The following SLC12A7 variants were observed in gnomAD, a reference collection of about 807,000 sequenced individuals.
SLC12A7 encodes the protein solute carrier family 12 member 7.
SLC12A7 carries 100 observed loss-of-function variants against 120.6 expected under a neutral mutation model. That is an observed-to-expected ratio of 0.83 (90% CI 0.71 to 0.98). The LOEUF (loss-of-function observed/expected upper bound fraction) is 0.98, where lower values mean the gene tolerates loss of function less well. Ranked by LOEUF, SLC12A7 falls within the 50% of genes least tolerant of loss-of-function variation. The pLI is 0.00. For missense variants in SLC12A7, 1,373 were observed against 1,548.1 expected, an observed-to-expected ratio of 0.89 and a Z score of 1.90; for synonymous variants, 760 against 678.0, an observed-to-expected ratio of 1.12 and a Z score of -1.88.
intron 20 of SLC12A7, among the ~76,000 whole-genome samples, chr5:1,060,797 A>G (rs1736103114): frequency 6.6e-6 from 1 of 152,168 alleles, no homozygotes; most frequent in Non-Finnish European, 1.5e-5. Context: ...ATCCACGCTC[A>G]CAGGTGTCAT....
At chr5:1,087,358 C>T (rs1054624293) in intron 5 of SLC12A7, among the ~76,000 whole-genome samples, 1 of 152,212 alleles carries the variant, frequency 6.6e-6, no homozygotes, top group Non-Finnish European at 1.5e-5. Context: ...AGCCCCAGCC[C>T]CCACTTCCAC....
intron 1 of SLC12A7, among the ~76,000 whole-genome samples, chr5:1,107,062 C>T (rs1579443995): frequency 6.6e-6 from 1 of 152,204 alleles, no homozygotes; most frequent in Non-Finnish European, 1.5e-5. Context: ...TTCCTTTACC[C>T]CCATGTGTAA....
chr5:1,083,995 C>T (rs763113711), intron 7 of SLC12A7, 39 bp from the exon 8 acceptor site: 22 of 1,574,614 alleles, frequency 1.4e-5, no homozygotes, highest in East Asian at 1.3e-4. Context: ...GTGCTGCCAC[C>T]GAAGTGGCTT....
Position 1,051,385 on chromosome 5 carries a change from T to TGGGGG in SLC12A7, c.*974_*975insCCCCC, listed in dbSNP as rs1735018978. The TGGGGG allele has an allele frequency of 2.5e-5, 1 of 39,792 alleles. No homozygotes were observed. Among genetic ancestry groups the TGGGGG allele is most frequent in the African/African-American group, 1.1e-4 (1 of 9,462 alleles). 2.5% of individuals were successfully genotyped at this position (39,792 alleles called of 1,614,324 possible). The stretch of plus-strand genomic sequence containing the variant: ...GAGGCTGAACTGTGTGCCGTGCTCC[T>TGGGGG]GGGGTGGGGTGGGGTGGGGAGGGCA... On this transcript the variant is annotated 3_prime_UTR_variant, in exon 24 of 24. Transcript: ENST00000264930.
the SLC12A7 span, among the ~76,000 whole-genome samples, chr5:1,133,299 T>C: frequency 1.2e-4 from 19 of 152,202 alleles, no homozygotes; most frequent in Non-Finnish European, 2.5e-4. Flanking sequence ...GAGTCGCACA[T>C]GTGGGCAAGA....
At chr5:1,088,888 C>T in intron 4 of SLC12A7, 94 bp downstream of exon 4, 1 of 1,529,302 alleles carries the variant, frequency 6.5e-7, no homozygotes, top group Non-Finnish European at 8.9e-7. Flanking sequence ...AAGGCACAAC[C>T]ACAGCGGCCA....
At chr5:1,129,742 G>A in the SLC12A7 span, among the ~76,000 whole-genome samples, 1 of 152,250 alleles carries the variant, frequency 6.6e-6, no homozygotes, top group African/African-American at 2.4e-5. Context: ...TGTAATTTCT[G>A]GATATGATTA....
the SLC12A7 span, among the ~76,000 whole-genome samples, chr5:1,129,335 C>T: frequency 3.9e-5 from 6 of 152,296 alleles, no homozygotes; most frequent in East Asian, 1.9e-4. Flanking sequence ...CCCCCACCTC[C>T]GAAGTCCAGT....
chr5:1,069,069 G>A (rs1021964207), intron 17 of SLC12A7, among the ~76,000 whole-genome samples: 3 of 152,240 alleles, frequency 2.0e-5, no homozygotes, highest in African/African-American at 7.2e-5. Context: ...TAAATCCACG[G>A]GTTCACAGTC....
At chr5:1,088,500 G>A in intron 4 of SLC12A7, 140 bp from the exon 5 acceptor site, 2 of 913,632 alleles carry the variant, frequency 2.2e-6, no homozygotes, top group Non-Finnish European at 3.4e-6. Flanking sequence ...CAATGGAGTG[G>A]CTAGGAAACA....
intron 1 of SLC12A7, among the ~76,000 whole-genome samples, chr5:1,108,898 G>A (rs1052326587): frequency 6.6e-6 from 1 of 152,170 alleles, no homozygotes; most frequent in Non-Finnish European, 1.5e-5. Flanking sequence ...AGCGGCCAGG[G>A]GCAGAGGGAG....
the SLC12A7 span, among the ~76,000 whole-genome samples, chr5:1,125,268 A>AGTGT: frequency 0.023 from 3,467 of 150,430 alleles, 65 homozygotes; most frequent in South Asian, 0.026. Context: ...TTTAAACGAA[A>AGTGT]GTGTGTGTGT....
the SLC12A7 span, among the ~76,000 whole-genome samples, chr5:1,146,141 CT>C: frequency 1.9e-4 from 29 of 152,218 alleles, no homozygotes; most frequent in Non-Finnish European, 3.5e-4. This position sits in a 1 kb window ranked among gnomAD's most constrained non-coding sequence, Gnocchi z 6.5. Flanking sequence ...TGCCCCATCC[CT>C]CCTCATTCCC....
chr5:1,152,410 G>A, the SLC12A7 span, among the ~76,000 whole-genome samples: 122 of 152,346 alleles, frequency 8.0e-4, 1 homozygote, highest in Non-Finnish European at 5.0e-4. Flanking sequence ...AAACATAGCC[G>A]GAAAGCCCCT....
chr5:1,123,702 G>T, the SLC12A7 span, among the ~76,000 whole-genome samples: 2 of 152,344 alleles, frequency 1.3e-5, no homozygotes, highest in Non-Finnish European at 2.9e-5. Flanking sequence ...CACGTGTGTT[G>T]GCCAAGGAGC....
chr5:1,124,884 TCA>T, the SLC12A7 span, among the ~76,000 whole-genome samples: 30 of 152,186 alleles, frequency 2.0e-4, 1 homozygote, highest in Non-Finnish European at 4.4e-5. Context: ...ACCTCAAATC[TCA>T]CACCCTGATG....
chr5:1,081,075 GAC>G (rs59842467), intron 9 of SLC12A7, among the ~76,000 whole-genome samples: 67,738 of 116,630 alleles, frequency 0.58, 16,046 homozygotes, highest in East Asian at 0.73. Context: ...GAGAGAGAGA[GAC>G]AGACAGAGAG....
chr5:1,063,954 G>A lies in SLC12A7; in HGVS notation c.2629C>T (p.Arg877Cys), dbSNP rs755750647. The change falls in exon 20 of 24, where the codon CGT becomes TGT. Residue 877 changes from arginine (R) to cysteine (C), a missense_variant. Transcript: ENST00000264930. ...QHKVWRKCRM[R>C]IFTVAQVDDN... ...TCCACCTGGGCCACGGTGAAGATAC[G>A]CATCCGGCACTTCCTCCACACCTGC... is the stretch of plus-strand genomic sequence containing the variant. 149 of 1,612,420 alleles carry A rather than the reference G, an allele frequency of 9.2e-5. No homozygotes were observed. Among genetic ancestry groups the A allele is most frequent in the Non-Finnish European group, 1.1e-4 (132 of 1,179,822 alleles).
At chr5:1,073,567 CA>C in intron 17 of SLC12A7, 65 bp downstream of exon 17, 1 of 1,514,770 alleles carries the variant, frequency 6.6e-7, no homozygotes, top group Non-Finnish European at 8.9e-7. Context: ...GAGGACATGC[CA>C]GGGCACGTTT....
Sources: allele counts gnomAD v4.1 joint callset (sites outside exome capture counted in the v4.1 genomes callset), GRCh38; gene constraint gnomAD v4.1.1; non-coding constraint Gnocchi (gnomAD v3.1); transcripts MANE v1.5; gene names NCBI Gene and HGNC (gene_info 2026-07-23, HGNC 2026-07-21).